HIPK3: variants seen among roughly 807,000 people sequenced by gnomAD.
The protein encoded by HIPK3 is homeodomain interacting protein kinase 3.
Under a neutral mutation model 124.2 loss-of-function variants are expected in HIPK3, and 47 were observed. The ratio of observed to expected loss-of-function variants is 0.38; its 90% CI spans 0.30 to 0.48. The LOEUF is 0.48. Ranked by LOEUF, HIPK3 falls within the 20% of genes least tolerant of loss-of-function variation. HIPK3 has a pLI of 0.98. For missense variants in HIPK3, 1,286 were observed against 1,454.3 expected, an observed-to-expected ratio of 0.88 and a Z score of 1.88; for synonymous variants, 482 against 515.2, an observed-to-expected ratio of 0.94 and a Z score of 0.87.
intron 2 of HIPK3, among the ~76,000 whole-genome samples, chr11:33,316,084 G>A (rs553895449): frequency 1.3e-5 from 2 of 152,268 alleles, no homozygotes; most frequent in African/African-American, 4.8e-5. Flanking sequence ...TCTGCATGAA[G>A]GTCCAGTATT....
intron 3 of HIPK3, among the ~76,000 whole-genome samples, chr11:33,333,255 G>A (rs1417662536): frequency 6.6e-6 from 1 of 152,140 alleles, no homozygotes; most frequent in Non-Finnish European, 1.5e-5. Flanking sequence ...AAGGCGACAC[G>A]AGAGGAATTA....
chr11:33,343,159 A>C (rs1853385948), intron 8 of HIPK3, among the ~76,000 whole-genome samples: 1 of 151,674 alleles, frequency 6.6e-6, no homozygotes. Flanking sequence ...TACTTATTTC[A>C]GCCTTAGTAG....
At chr11:33,294,068 C>T (rs1231664115) in intron 2 of HIPK3, among the ~76,000 whole-genome samples, 4 of 151,330 alleles carry the variant, frequency 2.6e-5, no homozygotes, top group South Asian at 2.1e-4. Flanking sequence ...GCAGGAGAAT[C>T]GTTTGAACCC....
At chr11:33,258,531 G>A (rs1390035947) in intron 1 of HIPK3, 2 of 985,410 alleles carry the variant, frequency 2.0e-6, no homozygotes, top group Non-Finnish European at 2.4e-6. Context: ...CAGCGGCGGC[G>A]GGAGGAAGGC....
In HIPK3 at chr11:33,353,178, C is replaced by T. The variant is rs756527214; in HGVS notation, c.3258C>T (p.Thr1086=). 12 of 1,613,220 alleles carry T rather than the reference C, an allele frequency of 7.4e-6. No individual in the cohort carries two copies. In the African/African-American group the frequency reaches 1.5e-4, roughly 20 times the overall value. Residue 1086 remains threonine (T), a synonymous_variant, in exon 17 of 17, where the codon ACC becomes ACT. Transcript: ENST00000303296. ...AAGCTTATATTCCTACTAGTGTTAC[C>T]AGTAATCCATTCACTCTTTCTCATG... ...RQQAYIPTSV[T]SNPFTLSHGS...
At chr11:33,336,968 A>G in intron 3 of HIPK3, 107 bp from the exon 4 acceptor site, 1 of 706,920 alleles carries the variant, frequency 1.4e-6, no homozygotes, top group Non-Finnish European at 2.3e-6. Flanking sequence ...TCTTGAGGGC[A>G]TAGACTATGT....
At position 33,287,291 on chromosome 11, in the gene HIPK3, C is replaced by A. The variant is rs1406796293; in HGVS notation, c.877C>A (p.Pro293Thr). 6.2e-7 allele frequency: 1 copy of A among 1,613,946 alleles called. No individual in the cohort carries two copies. The highest frequency in any genetic ancestry group is 8.5e-7 in the Non-Finnish European group (1 of 1,179,988). ...YDFLKQNKFS[P>T]LPLKVIRPIL... is the part of the protein sequence containing the mutation. ...CTTTCTGAAACAAAATAAATTTAGT[C>A]CCCTGCCACTAAAAGTGATTCGGCC... is the stretch of plus-strand genomic sequence containing the variant. The change falls in exon 2 of 17, where the codon CCC (proline) becomes ACC (threonine). Residue 293 changes from proline (P) to threonine (T), a missense_variant. This residue lies in a region of HIPK3 where 251 missense variants were observed against 349.1 expected (regional missense o/e 0.72). Coordinates refer to ENST00000303296, the MANE Select transcript of HIPK3 (RefSeq NM_005734.5).
At chr11:33,302,031 C>T (rs1852014891) in intron 2 of HIPK3, among the ~76,000 whole-genome samples, 1 of 152,126 alleles carries the variant, frequency 6.6e-6, no homozygotes, top group African/African-American at 2.4e-5. Context: ...GAGGGAGAAG[C>T]AATACTACTA....
chr11:33,292,434 G>A (rs528383002), intron 2 of HIPK3, among the ~76,000 whole-genome samples: 1 of 152,202 alleles, frequency 6.6e-6, no homozygotes, highest in East Asian at 1.9e-4. Context: ...GTGTGTGCAG[G>A]GTGATATAGG....
chr11:33,314,444 GGA>G (rs1432860480), intron 2 of HIPK3, among the ~76,000 whole-genome samples: 1 of 152,146 alleles, frequency 6.6e-6, no homozygotes, highest in East Asian at 1.9e-4. Flanking sequence ...CTTGAGGTCA[GGA>G]GTTCAAGAGC....
At chr11:33,346,903 T>C (rs1162313581) in intron 8 of HIPK3, among the ~76,000 whole-genome samples, 1 of 152,108 alleles carries the variant, frequency 6.6e-6, no homozygotes, top group Non-Finnish European at 1.5e-5. Flanking sequence ...AACTCCACAA[T>C]CAGGGCTGGG....
intron 2 of HIPK3, among the ~76,000 whole-genome samples, chr11:33,307,936 T>G (rs1328513401): frequency 6.6e-6 from 1 of 152,206 alleles, no homozygotes. Context: ...TATGTTTTTA[T>G]TTTTGAAAGA....
chr11:33,341,160 CT>C (rs761842804), intron 7 of HIPK3, 33 bp downstream of exon 7: 19 of 1,463,708 alleles, frequency 1.3e-5, no homozygotes, highest in South Asian at 2.7e-5. Flanking sequence ...AACTTAGGGT[CT>C]TTTTTTAATG....
chr11:33,301,239 A>G (rs1057345907), intron 2 of HIPK3, among the ~76,000 whole-genome samples: 2 of 152,186 alleles, frequency 1.3e-5, no homozygotes, highest in African/African-American at 4.8e-5. Flanking sequence ...TTTAGTAACC[A>G]GAGTACAACA....
At chr11:33,339,616 T>A in intron 6 of HIPK3, 82 bp downstream of exon 6, 3 of 1,051,138 alleles carry the variant, frequency 2.9e-6, no homozygotes, top group Non-Finnish European at 4.1e-6. Context: ...AAATTACTTT[T>A]CTTCATTAAA....
At chr11:33,319,016 G>T (rs146526776) in intron 2 of HIPK3, among the ~76,000 whole-genome samples, 1 of 152,284 alleles carries the variant, frequency 6.6e-6, no homozygotes, top group East Asian at 1.9e-4. Context: ...TTTGGGCAGT[G>T]TATTTGTTAT....
intron 2 of HIPK3, among the ~76,000 whole-genome samples, chr11:33,327,033 T>C (rs1477652617): frequency 1.3e-5 from 2 of 152,058 alleles, no homozygotes; most frequent in Admixed American, 1.3e-4. Context: ...TTATAACTCA[T>C]TGAACAAAGT....
chr11:33,308,714 G>T (rs540717931), intron 2 of HIPK3, among the ~76,000 whole-genome samples: 41 of 148,904 alleles, frequency 2.8e-4, no homozygotes, highest in Admixed American at 2.2e-3. Flanking sequence ...AAATTCTCAG[G>T]CAGTGTCTCT....
At chr11:33,337,256 G>A in intron 4 of HIPK3, 62 bp downstream of exon 4, 2 of 917,894 alleles carry the variant, frequency 2.2e-6, no homozygotes, top group Non-Finnish European at 3.2e-6. Flanking sequence ...CATATGCATG[G>A]ATAATACCTT....
Sources: allele counts gnomAD v4.1 joint callset (sites outside exome capture counted in the v4.1 genomes callset), GRCh38; gene constraint gnomAD v4.1.1; regional missense constraint gnomAD v4.1.1; transcripts MANE v1.5; gene names NCBI Gene and HGNC (gene_info 2026-07-23, HGNC 2026-07-21).